PDZRN4: variants seen among roughly 807,000 people sequenced by gnomAD.
PDZRN4 encodes the protein PDZ domain containing ring finger 4.
Under a neutral mutation model 99.0 loss-of-function variants are expected in PDZRN4, and 70 were observed. The observed-to-expected ratio is 0.71, with a 90% CI of 0.58 to 0.86. The LOEUF is 0.86. PDZRN4 is among the 40% of genes least tolerant of loss of function. The pLI, the probability that PDZRN4 is intolerant of heterozygous loss-of-function variation, is 0.00. For missense variants in PDZRN4, 1,474 were observed against 1,331.2 expected (o/e 1.11, Z -1.67); for synonymous variants, 551 against 501.6 (o/e 1.10, Z -1.32).
At chr12:41,344,845 A>T (rs996329100) in intron 3 of PDZRN4, among the ~76,000 whole-genome samples, 12 of 151,492 alleles carry the variant, frequency 7.9e-5, no homozygotes, top group African/African-American at 2.7e-4. Flanking sequence ...ATTAGTTAGC[A>T]TAAAGTGCAG....
chr12:41,362,676 G>T (rs1266115873), intron 3 of PDZRN4, among the ~76,000 whole-genome samples: 1 of 152,046 alleles, frequency 6.6e-6, no homozygotes. Context: ...ATAGGTCTCC[G>T]TAGCAAAGGC....
chr12:41,261,885 G>A (rs1951242499), intron 3 of PDZRN4, among the ~76,000 whole-genome samples: 1 of 152,130 alleles, frequency 6.6e-6, no homozygotes, highest in Non-Finnish European at 1.5e-5. Context: ...AAAGAGGAAC[G>A]CATTCTTATG....
intron 3 of PDZRN4, among the ~76,000 whole-genome samples, chr12:41,287,586 TTCATAGAAAA>T (rs1404589670): frequency 6.6e-6 from 1 of 152,168 alleles, no homozygotes; most frequent in Non-Finnish European, 1.5e-5. Flanking sequence ...GAAGTCAGAG[TTCATAGAAAA>T]TCTCTTGCCT....
At chr12:41,509,373 C>A (rs1167228074) in intron 4 of PDZRN4, among the ~76,000 whole-genome samples, 2 of 151,952 alleles carry the variant, frequency 1.3e-5, no homozygotes, top group Non-Finnish European at 2.9e-5. Context: ...AAATGGTTTT[C>A]AAAAAATAGT....
intron 3 of PDZRN4, among the ~76,000 whole-genome samples, chr12:41,255,966 A>G (rs1012039856): frequency 1.3e-5 from 2 of 152,198 alleles, no homozygotes; most frequent in African/African-American, 4.8e-5. Context: ...CCTCCCACCA[A>G]GCCCAATTTC....
At chr12:41,567,678 CATT>C in intron 8 of PDZRN4, 102 bp from the exon 9 acceptor site, 1 of 434,834 alleles carries the variant, frequency 2.3e-6, no homozygotes, top group Non-Finnish European at 4.0e-6. Flanking sequence ...TGAAGAGAAT[CATT>C]ATGATAAAAG....
At chr12:41,304,839 G>A (rs1008642524) in intron 3 of PDZRN4, among the ~76,000 whole-genome samples, 3 of 152,260 alleles carry the variant, frequency 2.0e-5, no homozygotes, top group African/African-American at 4.8e-5. Context: ...AGAGCAGTTA[G>A]AGGAGATGTC....
At chr12:41,363,529 G>T (rs1951977031) in intron 3 of PDZRN4, among the ~76,000 whole-genome samples, 1 of 152,016 alleles carries the variant, frequency 6.6e-6, no homozygotes, top group Non-Finnish European at 1.5e-5. Context: ...AACTGTTTGG[G>T]ATGCATCTGT....
intron 3 of PDZRN4, among the ~76,000 whole-genome samples, chr12:41,426,116 G>A (rs1409594361): frequency 1.3e-5 from 2 of 152,144 alleles, no homozygotes; most frequent in Admixed American, 1.3e-4. Flanking sequence ...GTTAAGCTGA[G>A]GTGGACCCTG....
At chr12:41,248,825 A>G (rs996244406) in intron 3 of PDZRN4, among the ~76,000 whole-genome samples, 1 of 152,166 alleles carries the variant, frequency 6.6e-6, no homozygotes, top group Admixed American at 6.5e-5. Context: ...AAAATAAACT[A>G]AAATACAGAT....
chr12:41,314,007 G>A (rs893460004), intron 3 of PDZRN4, among the ~76,000 whole-genome samples: 1 of 152,160 alleles, frequency 6.6e-6, no homozygotes, highest in Non-Finnish European at 1.5e-5. Context: ...ATTCTTATGT[G>A]TTAGAAAACA....
At chr12:41,492,006 C>A (rs1222112036) in intron 3 of PDZRN4, among the ~76,000 whole-genome samples, 2 of 152,070 alleles carry the variant, frequency 1.3e-5, no homozygotes, top group Non-Finnish European at 2.9e-5. Flanking sequence ...GACCACATAA[C>A]CCCCAGAAAA....
intron 3 of PDZRN4, among the ~76,000 whole-genome samples, chr12:41,464,638 A>T (rs903582457): frequency 6.6e-6 from 1 of 152,180 alleles, no homozygotes; most frequent in Admixed American, 6.6e-5. Context: ...AAAACAGCCA[A>T]ATACTAACTT....
chr12:41,249,223 G>C (rs1591984534), intron 3 of PDZRN4, among the ~76,000 whole-genome samples: 2 of 152,260 alleles, frequency 1.3e-5, no homozygotes, highest in South Asian at 2.1e-4. Flanking sequence ...TAATGGGTTT[G>C]CCATTAGTTT....
intron 7 of PDZRN4, among the ~76,000 whole-genome samples, chr12:41,557,911 G>T (rs1234403822): frequency 6.6e-6 from 1 of 152,084 alleles, no homozygotes; most frequent in East Asian, 1.9e-4. Flanking sequence ...TAGTCTTGTT[G>T]ACCACTGCAT....
At chr12:41,328,254 T>C (rs1454963844) in intron 3 of PDZRN4, among the ~76,000 whole-genome samples, 1 of 152,194 alleles carries the variant, frequency 6.6e-6, no homozygotes, top group Admixed American at 6.6e-5. Flanking sequence ...TGGTATTTGA[T>C]GGCTATGCAC....
At chr12:41,555,207 A>G (rs1227465990) in intron 6 of PDZRN4, among the ~76,000 whole-genome samples, 3 of 137,118 alleles carry the variant, frequency 2.2e-5, no homozygotes, top group Non-Finnish European at 3.1e-5. Flanking sequence ...CTCCAGCCTG[A>G]GCGACAGAGC....
rs562552901 is a variant in PDZRN4 at position 41,369,685 on chromosome 12, A to G, written c.844-136771A>G. ...CATTTATATCATTTTTAAATAAAGTATACATGTAAGTCATAGAATATATTT... is the reference window on the plus strand; with the variant it reads ...CATTTATATCATTTTTAAATAAAGTGTACATGTAAGTCATAGAATATATTT... On this transcript the variant is annotated intron_variant, in intron 3 of 9. Transcript: ENST00000402685. Among the ~76,000 whole-genome samples, 17 of 152,200 alleles carry G rather than the reference A, an allele frequency of 1.1e-4. No homozygotes were observed. In the East Asian group the frequency reaches 3.1e-3, roughly 28 times the overall value.
At chr12:41,291,047 A>T (rs910299302) in intron 3 of PDZRN4, among the ~76,000 whole-genome samples, 1 of 152,128 alleles carries the variant, frequency 6.6e-6, no homozygotes, top group African/African-American at 2.4e-5. Context: ...AAAATGCTAC[A>T]ATTAATCTTG....
Sources: gnomAD v4.1 joint callset for allele counts (sites outside exome capture counted in the v4.1 genomes callset) on GRCh38, gnomAD v4.1.1 for gene constraint, MANE v1.5 for transcripts, NCBI Gene and HGNC (gene_info 2026-07-23, HGNC 2026-07-21) for gene names.